RSBN1L: variants seen among roughly 807,000 people sequenced by gnomAD.
RSBN1L encodes the protein lysine-specific demethylase RSBN1L.
Under a neutral mutation model 67.7 loss-of-function variants are expected in RSBN1L, and 30 were observed. The observed-to-expected ratio is 0.44, with a 90% CI of 0.33 to 0.60. The LOEUF (loss-of-function observed/expected upper bound fraction) is 0.60. Among genes scored for constraint, RSBN1L ranks in the 20% least tolerant of loss-of-function variants. RSBN1L has a pLI of 0.02. For missense variants in RSBN1L, 992 were observed against 1,031.7 expected, an observed-to-expected ratio of 0.96 and a Z score of 0.53; for synonymous variants, 433 against 387.0, an observed-to-expected ratio of 1.12 and a Z score of -1.39.
chr7:77,709,551 A>G (rs1325132868), intron 1 of RSBN1L, among the ~76,000 whole-genome samples: 5 of 152,084 alleles, frequency 3.3e-5, no homozygotes, highest in South Asian at 2.1e-4. Flanking sequence ...TGGCCTCCCA[A>G]AGTGCTGGGA....
At chr7:77,724,943 G>T (rs886798188) in intron 1 of RSBN1L, among the ~76,000 whole-genome samples, 2 of 147,876 alleles carry the variant, frequency 1.4e-5, no homozygotes, top group African/African-American at 5.0e-5. Context: ...CCCGGGTCCA[G>T]TCGGTTCTCC....
chr7:77,751,232 C>T (rs1054492152), intron 3 of RSBN1L, among the ~76,000 whole-genome samples: 2 of 152,052 alleles, frequency 1.3e-5, no homozygotes, highest in African/African-American at 2.4e-5. Context: ...CTCTGCCTTC[C>T]GGGTTCAAGC....
chr7:77,743,988 A>C (rs1358896998), intron 2 of RSBN1L, among the ~76,000 whole-genome samples: 1 of 145,848 alleles, frequency 6.9e-6, no homozygotes. Context: ...GGCCTCCCAA[A>C]GTGTTGGGAT....
intron 3 of RSBN1L, among the ~76,000 whole-genome samples, chr7:77,761,071 T>A (rs1791692349): frequency 6.6e-6 from 1 of 152,186 alleles, no homozygotes; most frequent in African/African-American, 2.4e-5. Context: ...GGATGTGAGG[T>A]TTTCCAGATA....
chr7:77,742,491 T>C lies in RSBN1L; in HGVS notation c.703+5965T>C, dbSNP rs1791426694. On this transcript the variant is annotated intron_variant, in intron 2 of 7. Transcript: ENST00000334955. ...ATTGGTCATATAGGCACCATTTGCC[T>C]ACCACAAACTAAAATTCCAGACTCC... is the stretch of plus-strand genomic sequence containing the variant. Among the ~76,000 whole-genome samples the C allele has an allele frequency of 1.3e-5, 2 of 152,106 alleles. 1 individual carries two copies. The highest frequency in any genetic ancestry group is 4.1e-4 in the South Asian group (2 of 4,826).
At position 77,749,846 on chromosome 7, in the gene RSBN1L, G is replaced by A; in HGVS notation, c.1126G>A (p.Glu376Lys). 1 of 1,614,154 alleles carries A rather than the reference G, an allele frequency of 6.2e-7. No homozygotes were observed. The highest frequency in any genetic ancestry group is 8.5e-7 in the Non-Finnish European group (1 of 1,179,988). Reference sequence around the variant, plus strand: ...CGAACTCTCCCACCTGTCTCCTATGGAGATGGAGAGGTTTGCAGAAGAGTT... The same window carrying A: ...CGAACTCTCCCACCTGTCTCCTATGAAGATGGAGAGGTTTGCAGAAGAGTT... Reference protein sequence around the residue: ...SNELSHLSPMEMERFAEEFVG... With the variant: ...SNELSHLSPMKMERFAEEFVG... Residue 376 changes from glutamate to lysine, a missense_variant, in exon 3 of 8, where the codon GAG becomes AAG. Glu to Lys is a moderately conservative substitution (Grantham distance 56). Coordinates refer to ENST00000334955, the MANE Select transcript of RSBN1L (RefSeq NM_198467.3).
rs1792016116 is a variant in RSBN1L at position 77,782,780 on chromosome 7, T to A, written c.*3612T>A. On this transcript the variant is annotated 3_prime_UTR_variant, in exon 8 of 8. Coordinates refer to ENST00000334955, the MANE Select transcript of RSBN1L (RefSeq NM_198467.3). ...AGTTGTCGTTAAGGTATTTCATTAG[T>A]GTTCCTGAGTGTAAAACAGTTTTTT... 1 of 152,236 alleles carries A rather than the reference T, an allele frequency of 6.6e-6. No individual in the cohort carries two copies. Among genetic ancestry groups the A allele is most frequent in the African/African-American group, 2.4e-5 (1 of 41,466 alleles). The allele number at this position is 152,236 out of a possible 1,614,324, so 9.4% of individuals were successfully genotyped here. A position where few individuals can be genotyped will look rare whatever the true frequency, so the allele number is the denominator to read the frequency against.
chr7:77,752,109 A>C (rs902923701), intron 3 of RSBN1L, among the ~76,000 whole-genome samples: 1 of 152,208 alleles, frequency 6.6e-6, no homozygotes, highest in African/African-American at 2.4e-5. Flanking sequence ...GAGATGCTGG[A>C]CTTGTTAATC....
intron 1 of RSBN1L, among the ~76,000 whole-genome samples, chr7:77,701,800 C>T (rs563081506): frequency 5.6e-4 from 85 of 151,580 alleles, no homozygotes; most frequent in African/African-American, 8.2e-4. Flanking sequence ...TACAGGTGTG[C>T]GCCACCACGC....
At chr7:77,769,924 CAT>C (rs763311191) in intron 5 of RSBN1L, among the ~76,000 whole-genome samples, 15 of 152,104 alleles carry the variant, frequency 9.9e-5, no homozygotes, top group Non-Finnish European at 2.2e-4. Context: ...TAAAATTTAA[CAT>C]AAAACTCTTT....
intron 3 of RSBN1L, among the ~76,000 whole-genome samples, chr7:77,759,047 C>G (rs899800012): frequency 6.6e-6 from 1 of 152,108 alleles, no homozygotes; most frequent in East Asian, 1.9e-4. Context: ...GATTAAAAGT[C>G]TATTATTTTA....
intron 3 of RSBN1L, 125 bp from the exon 4 acceptor site, chr7:77,765,370 T>G: frequency 1.3e-6 from 1 of 750,036 alleles, no homozygotes. Context: ...TATAATATTC[T>G]GAGATAATAA....
At chr7:77,754,770 G>A (rs1791595298) in intron 3 of RSBN1L, among the ~76,000 whole-genome samples, 1 of 152,076 alleles carries the variant, frequency 6.6e-6, no homozygotes, top group Non-Finnish European at 1.5e-5. Context: ...AGGAGTTTGA[G>A]CCCAGCCTGA....
In RSBN1L at chr7:77,696,506, G is replaced by A; in HGVS notation, c.37G>A (p.Ala13Thr). The change falls in exon 1 of 8, where the codon GCC (alanine) becomes ACC (threonine). Residue 13 changes from alanine to threonine, a missense_variant. Physicochemically the swap from Ala to Thr is moderately conservative, Grantham distance 58 (BLOSUM62 0). Coordinates refer to ENST00000334955, the MANE Select transcript of RSBN1L (RefSeq NM_198467.3). ...EPPSPVHCVAAAAPTATVSEK... is the reference protein window; with the variant it reads ...EPPSPVHCVATAAPTATVSEK... ...GCCGAGCCCCGTGCACTGTGTCGCT[G>A]CCGCGGCCCCCACCGCCACCGTCTC... 1 of 1,613,482 alleles carries A rather than the reference G, an allele frequency of 6.2e-7. No homozygotes were observed. The highest frequency in any genetic ancestry group is 1.7e-4 in the Middle Eastern group (1 of 6,058).
At chr7:77,743,393 G>A (rs183071634) in intron 2 of RSBN1L, among the ~76,000 whole-genome samples, 70 of 151,888 alleles carry the variant, frequency 4.6e-4, no homozygotes, top group Middle Eastern at 3.4e-3. Context: ...GAGGTCAGGA[G>A]TTTGAGACCA....
chr7:77,739,586 G>A (rs568266997), intron 2 of RSBN1L, among the ~76,000 whole-genome samples: 7 of 150,202 alleles, frequency 4.7e-5, no homozygotes, highest in African/African-American at 1.5e-4. Context: ...GGTGGCGCTC[G>A]TCTGTAATCC....
chr7:77,747,913 G>C (rs1584294089), intron 2 of RSBN1L, among the ~76,000 whole-genome samples: 1 of 151,344 alleles, frequency 6.6e-6, no homozygotes, highest in East Asian at 1.9e-4. Context: ...CAGCTTCTCG[G>C]GGGGGAGCTC....
At chr7:77,735,953 T>C (rs531784893) in intron 1 of RSBN1L, among the ~76,000 whole-genome samples, 6 of 152,248 alleles carry the variant, frequency 3.9e-5, no homozygotes, top group African/African-American at 1.4e-4. Context: ...TCATTTTATA[T>C]ATTTTTTCAT....
intron 2 of RSBN1L, among the ~76,000 whole-genome samples, chr7:77,743,712 A>T (rs1375240157): frequency 1.3e-5 from 2 of 152,218 alleles, no homozygotes; most frequent in South Asian, 4.1e-4. Flanking sequence ...TTTGGCAACA[A>T]TTGCGTAATT....
Sources: gnomAD v4.1 joint callset for allele counts (sites outside exome capture counted in the v4.1 genomes callset) on GRCh38, gnomAD v4.1.1 for gene constraint, MANE v1.5 for transcripts, NCBI Gene and HGNC (gene_info 2026-07-23, HGNC 2026-07-21) for gene names.